Variants in PHKB observed in about 807,000 individuals in gnomAD.
PHKB encodes the protein phosphorylase b kinase regulatory subunit beta.
A neutral mutation model predicts 152.1 loss-of-function variants in PHKB; 122 were observed. The observed-to-expected ratio is 0.80, with a 90% confidence interval of 0.69 to 0.93. The LOEUF (loss-of-function observed/expected upper bound fraction) is 0.93. Ranked by LOEUF, PHKB falls within the 40% of genes least tolerant of loss-of-function variation. PHKB has a pLI of 0.00. For synonymous variants in PHKB, 436 were observed against 464.9 expected (o/e 0.94, Z 0.80); for missense variants, 1,304 against 1,328.4 (o/e 0.98, Z 0.29).
intron 5 of PHKB, among the ~76,000 whole-genome samples, chr16:47,514,893 G>T (rs1364902820): frequency 6.6e-6 from 1 of 151,904 alleles, no homozygotes; most frequent in East Asian, 1.9e-4. Context: ...TACCTCCTTT[G>T]TTCATAAAAC....
chr16:47,480,882 T>G (rs991844429), intron 1 of PHKB, among the ~76,000 whole-genome samples: 5 of 152,144 alleles, frequency 3.3e-5, no homozygotes, highest in African/African-American at 1.2e-4. Context: ...TGAAAAAAAT[T>G]TTAAGCCAAA....
At chr16:47,548,658 A>G (rs1288468780) in intron 7 of PHKB, among the ~76,000 whole-genome samples, 1 of 152,058 alleles carries the variant, frequency 6.6e-6, no homozygotes, top group Admixed American at 6.5e-5. Context: ...AGAGGAACCC[A>G]AAGTGTTCTC....
Position 47,693,481 on chromosome 16 carries a change from A to G in PHKB, c.2869A>G (p.Ile957Val). Residue 957 changes from isoleucine to valine, a missense_variant, in exon 28 of 31, where the codon ATT becomes GTT. Transcript: ENST00000323584. ...QILERTPNGIIVAGKHLPQQP... is the reference protein window; with the variant it reads ...QILERTPNGIVVAGKHLPQQP... The stretch of plus-strand genomic sequence containing the variant: ...TCTGGAGCGCACGCCCAATGGGATC[A>G]TTGTTGCTGGGAAGCATTTGCCTCA... 3 of 1,614,066 alleles carry G rather than the reference A, an allele frequency of 1.9e-6. No individual in the cohort carries two copies. Among genetic ancestry groups the G allele is most frequent in the Non-Finnish European group, 2.5e-6 (3 of 1,179,984 alleles).
intron 1 of PHKB, among the ~76,000 whole-genome samples, chr16:47,476,844 A>G (rs938738525): frequency 4.6e-5 from 7 of 152,206 alleles, no homozygotes; most frequent in South Asian, 2.1e-4. Context: ...TTTGGATCAT[A>G]TGATGCCCCA....
chr16:47,530,328 G>C (rs756386108), intron 6 of PHKB, among the ~76,000 whole-genome samples: 22 of 151,970 alleles, frequency 1.4e-4, no homozygotes, highest in Non-Finnish European at 3.1e-4. Flanking sequence ...TAGAGATGTG[G>C]TTTCGCCCAC....
chr16:47,607,587 A>G (rs1972349578), intron 13 of PHKB, among the ~76,000 whole-genome samples: 1 of 152,188 alleles, frequency 6.6e-6, no homozygotes, highest in Non-Finnish European at 1.5e-5. Flanking sequence ...TCATCAGGAG[A>G]TGAACATTTG....
At chr16:47,579,671 A>C (rs1971809238) in intron 7 of PHKB, among the ~76,000 whole-genome samples, 1 of 152,202 alleles carries the variant, frequency 6.6e-6, no homozygotes, top group South Asian at 2.1e-4. Context: ...CCAGCACTAT[A>C]GTATATGGCA....
chr16:47,581,569 A>T (rs1219890922), intron 8 of PHKB, among the ~76,000 whole-genome samples: 1 of 152,230 alleles, frequency 6.6e-6, no homozygotes, highest in Non-Finnish European at 1.5e-5. Flanking sequence ...AATAAAGATA[A>T]TGATAATAGG....
intron 6 of PHKB, among the ~76,000 whole-genome samples, chr16:47,542,913 G>A (rs1971087235): frequency 6.6e-6 from 1 of 152,132 alleles, no homozygotes. Flanking sequence ...GAGACAGTGG[G>A]GTTTTCTAAA....
chr16:47,572,636 T>C (rs1415153590), intron 7 of PHKB, among the ~76,000 whole-genome samples: 1 of 152,124 alleles, frequency 6.6e-6, no homozygotes, highest in Non-Finnish European at 1.5e-5. Context: ...TCTCATCTCA[T>C]AAGGGCAGGT....
At chr16:47,623,440 A>G (rs903692165) in intron 14 of PHKB, among the ~76,000 whole-genome samples, 1 of 149,484 alleles carries the variant, frequency 6.7e-6, no homozygotes, top group African/African-American at 2.5e-5. Context: ...GATTAAGACT[A>G]TCACTGTATA....
intron 6 of PHKB, among the ~76,000 whole-genome samples, chr16:47,538,546 A>G (rs1412160526): frequency 6.6e-6 from 1 of 152,222 alleles, no homozygotes; most frequent in Non-Finnish European, 1.5e-5. Flanking sequence ...CTTCACTGAA[A>G]TGAGGGAGGT....
chr16:47,557,439 A>G (rs1386470231), intron 7 of PHKB, among the ~76,000 whole-genome samples: 4 of 152,254 alleles, frequency 2.6e-5, no homozygotes, highest in Non-Finnish European at 5.9e-5. Flanking sequence ...CACCAGAGTG[A>G]ACAGGCAGCC....
chr16:47,600,117 C>T (rs1047268944), intron 13 of PHKB, among the ~76,000 whole-genome samples: 1 of 152,104 alleles, frequency 6.6e-6, no homozygotes, highest in Admixed American at 6.5e-5. Context: ...GTTTGTATCT[C>T]AGTGAAGTCT....
rs75299978 is a variant in PHKB at position 47,605,459 on chromosome 16, G to A, written c.1364-5367G>A. Among the ~76,000 whole-genome samples the A allele has an allele frequency of 1.1e-3, 163 of 152,262 alleles. 1 individual carries two copies. In the East Asian group the frequency reaches 0.029, roughly 27 times the overall value. Reference sequence around the variant, plus strand: ...GGATATAAGGTTTCTTAATTTATCTGTCACTATTTATAAATAACAAAATAC... The same window carrying A: ...GGATATAAGGTTTCTTAATTTATCTATCACTATTTATAAATAACAAAATAC... On this transcript the variant is annotated intron_variant, in intron 13 of 30. Transcript: ENST00000323584.
chr16:47,693,497 A>T lies in PHKB; in HGVS notation c.2885A>T (p.His962Leu). 6.2e-7 allele frequency: 1 copy of T among 1,614,062 alleles called. No individual in the cohort carries two copies. Among genetic ancestry groups the T allele is most frequent in the Middle Eastern group, 1.7e-4 (1 of 6,036 alleles). ...TPNGIIVAGK[H>L]LPQQPTLSDM... Reference sequence around the variant, plus strand: ...AATGGGATCATTGTTGCTGGGAAGCATTTGCCTCAGGTAAAGCCCCACCAT... The same window carrying T: ...AATGGGATCATTGTTGCTGGGAAGCTTTTGCCTCAGGTAAAGCCCCACCAT... Residue 962 changes from histidine to leucine, a missense_variant, in exon 28 of 31, where the codon CAT (histidine) becomes CTT (leucine). His to Leu is a moderately conservative substitution (Grantham distance 99). Transcript: ENST00000323584.
chr16:47,594,275 G>C lies in PHKB; in HGVS notation c.1204+61G>C, dbSNP rs999571527. The stretch of plus-strand genomic sequence containing the variant: ...CATTTCCTGAATGTTTATTTGAAAT[G>C]TATAAGTGAGTCCTTTGTAAAAAAC... On this transcript the variant is annotated intron_variant, in intron 12 of 30. Coordinates refer to ENST00000323584, the MANE Select transcript of PHKB (RefSeq NM_000293.3). 11 of 836,810 alleles carry C rather than the reference G, an allele frequency of 1.3e-5. No homozygotes were observed. The East Asian group carries it at 2.7e-4, about 20-fold the overall frequency. 51.8% of individuals were successfully genotyped at this position (836,810 alleles called of 1,614,324 possible). A position where few individuals can be genotyped will look rare whatever the true frequency, so the allele number is the denominator to read the frequency against.
At chr16:47,696,041 C>T (rs1448289041) in intron 28 of PHKB, among the ~76,000 whole-genome samples, 5 of 152,216 alleles carry the variant, frequency 3.3e-5, no homozygotes, top group Non-Finnish European at 5.9e-5. Flanking sequence ...GCAAGCATAA[C>T]TTCTCGTGTA....
At chr16:47,596,557 A>AT (rs751536854) in intron 13 of PHKB, 26 bp downstream of exon 13, 5 of 1,604,116 alleles carry the variant, frequency 3.1e-6, no homozygotes, top group South Asian at 2.2e-5. Context: ...TGGGAATGGT[A>AT]TTTTTTTCCT....
Sources: gnomAD v4.1 joint callset for allele counts (sites outside exome capture counted in the v4.1 genomes callset) on GRCh38, gnomAD v4.1.1 for gene constraint, MANE v1.5 for transcripts, NCBI Gene and HGNC (gene_info 2026-07-23, HGNC 2026-07-21) for gene names.